Variants in NELL2 observed in about 807,000 individuals in gnomAD.
The protein encoded by NELL2 is protein kinase C-binding protein NELL2.
NELL2 carries 41 observed loss-of-function variants against 109.6 expected under a neutral mutation model. The observed-to-expected ratio is 0.37, with a 90% confidence interval of 0.29 to 0.49. The LOEUF (loss-of-function observed/expected upper bound fraction) is 0.49. Among genes scored for constraint, NELL2 ranks in the 20% least tolerant of loss-of-function variants. The pLI, the probability that NELL2 is intolerant of heterozygous loss-of-function variation, is 0.98. For missense variants in NELL2, 900 were observed against 1,008.3 expected (o/e 0.89, Z 1.45); for synonymous variants, 355 against 344.7 (o/e 1.03, Z -0.33).
intron 12 of NELL2, among the ~76,000 whole-genome samples, chr12:44,676,329 T>C (rs563932897): frequency 2.0e-5 from 3 of 152,138 alleles, no homozygotes; most frequent in African/African-American, 7.2e-5. Context: ...TTTTTTTAAA[T>C]ATAAAATTTC....
chr12:44,753,724 G>A (rs937023506), intron 9 of NELL2, among the ~76,000 whole-genome samples: 2 of 152,068 alleles, frequency 1.3e-5, no homozygotes, highest in Non-Finnish European at 2.9e-5. Context: ...ATTGCTACAG[G>A]GCTGGTACAT....
chr12:44,870,021 G>A (rs1265256246), intron 2 of NELL2, among the ~76,000 whole-genome samples: 2 of 152,056 alleles, frequency 1.3e-5, no homozygotes, highest in African/African-American at 4.8e-5. Context: ...TTGTTTACAA[G>A]TTTTGCTTTC....
chr12:44,587,934 G>C (rs1372065929), intron 15 of NELL2, among the ~76,000 whole-genome samples: 2 of 151,142 alleles, frequency 1.3e-5, no homozygotes, highest in Non-Finnish European at 3.0e-5. Flanking sequence ...GGCGGATCAC[G>C]AGGTCAGGAG....
At chr12:44,651,178 C>T (rs1234382326) in intron 13 of NELL2, among the ~76,000 whole-genome samples, 1 of 152,200 alleles carries the variant, frequency 6.6e-6, no homozygotes, top group Non-Finnish European at 1.5e-5. Flanking sequence ...CTACCCCACC[C>T]CACTTGTCCA....
intron 9 of NELL2, among the ~76,000 whole-genome samples, chr12:44,770,962 A>G (rs1472788489): frequency 6.6e-6 from 1 of 152,190 alleles, no homozygotes; most frequent in East Asian, 1.9e-4. Flanking sequence ...AAATTCAGTG[A>G]CTTTCAGTAA....
At chr12:44,543,471 G>A (rs1449035195) in intron 15 of NELL2, among the ~76,000 whole-genome samples, 4 of 152,136 alleles carry the variant, frequency 2.6e-5, no homozygotes, top group African/African-American at 4.8e-5. Flanking sequence ...ATATATGTCA[G>A]ATTGTGTCAT....
intron 13 of NELL2, among the ~76,000 whole-genome samples, chr12:44,641,689 C>CTTTTTTTTTTTT (rs71093817): frequency 7.4e-5 from 6 of 80,640 alleles, no homozygotes; most frequent in Non-Finnish European, 1.1e-4. Flanking sequence ...CTAGTTTCTC[C>CTTTTTTTTTTTT]TTTTTTTTTT....
chr12:44,599,776 A>C (rs1425376123), intron 15 of NELL2, among the ~76,000 whole-genome samples: 1 of 152,120 alleles, frequency 6.6e-6, no homozygotes, highest in African/African-American at 2.4e-5. Flanking sequence ...ATACGCAGGC[A>C]CAATGCTTTG....
rs570194606 is a variant in NELL2 at position 44,508,730 on chromosome 12, A to C, written c.*204T>G. 5.9e-5 allele frequency: 34 copies of C among 577,170 alleles called. No individual in the cohort carries two copies. The South Asian group carries it at 6.6e-4, about 11-fold the overall frequency. The allele number at this position is 577,170 out of a possible 1,614,324, so 35.8% of individuals were successfully genotyped here. A position where few individuals can be genotyped will look rare whatever the true frequency, so the allele number is the denominator to read the frequency against. ...TGGTGATGTGAGACACAGTAGAGGC[A>C]GACTTGAGGTCTAATTTTGCCCCAG... On this transcript the variant is annotated 3_prime_UTR_variant, in exon 20 of 20. Coordinates refer to ENST00000429094, the MANE Select transcript of NELL2 (RefSeq NM_001145108.2).
rs11182704 is a variant in NELL2, at chr12:44,826,504, T to C, written c.185-10368A>G. Reference sequence around the variant, plus strand: ...AACTTATAAGACAAAATGGTAACAATTTTAAAAGCCATTAAAATTTGATTA... The same window carrying C: ...AACTTATAAGACAAAATGGTAACAACTTTAAAAGCCATTAAAATTTGATTA... On this transcript the variant is annotated intron_variant, in intron 2 of 19. Transcript: ENST00000429094. Among the ~76,000 whole-genome samples the C allele has an allele frequency of 0.014, 2,063 of 152,316 alleles. 109 individuals are homozygous for C. In the East Asian group the frequency reaches 0.19, roughly 14 times the overall value.
At chr12:44,699,794 T>G (rs939620475) in intron 12 of NELL2, among the ~76,000 whole-genome samples, 2 of 152,064 alleles carry the variant, frequency 1.3e-5, no homozygotes, top group African/African-American at 4.8e-5. Context: ...AATTCTCTCT[T>G]CTCTTGGCTT....
chr12:44,780,650 G>T (rs1035124686), intron 3 of NELL2, among the ~76,000 whole-genome samples: 6 of 152,022 alleles, frequency 3.9e-5, no homozygotes, highest in Non-Finnish European at 8.8e-5. Flanking sequence ...CATCTTGGAA[G>T]TAATGAAGCA....
intron 15 of NELL2, among the ~76,000 whole-genome samples, chr12:44,583,931 C>A (rs1055599386): frequency 3.3e-5 from 5 of 152,146 alleles, no homozygotes; most frequent in African/African-American, 1.2e-4. Flanking sequence ...CACCACCACA[C>A]CTGGCTAATT....
intron 9 of NELL2, among the ~76,000 whole-genome samples, chr12:44,771,624 A>C (rs1457680529): frequency 6.6e-6 from 1 of 152,098 alleles, no homozygotes; most frequent in Non-Finnish European, 1.5e-5. Flanking sequence ...TCTCTGTTTA[A>C]CTCCAGCACA....
At chr12:44,737,003 G>T (rs986540704) in intron 9 of NELL2, among the ~76,000 whole-genome samples, 93 of 151,794 alleles carry the variant, frequency 6.1e-4, no homozygotes, top group African/African-American at 2.2e-3. Context: ...TTACTGTCCT[G>T]ATTTATTTTC....
intron 1 of NELL2, among the ~76,000 whole-genome samples, chr12:44,896,726 C>T (rs769194522): frequency 1.9e-4 from 29 of 152,098 alleles, no homozygotes; most frequent in African/African-American, 3.4e-4. Context: ...GAGTGTTTGA[C>T]CTCCTCTGTG....
intron 12 of NELL2, among the ~76,000 whole-genome samples, chr12:44,678,946 A>G (rs1948407642): frequency 6.6e-6 from 1 of 152,062 alleles, no homozygotes; most frequent in East Asian, 1.9e-4. Context: ...TCATTACATT[A>G]AGAGATTCAG....
At chr12:44,694,658 T>A (rs903733253) in intron 12 of NELL2, among the ~76,000 whole-genome samples, 4 of 151,592 alleles carry the variant, frequency 2.6e-5, no homozygotes, top group East Asian at 3.9e-4. Context: ...AGAGAGTGCA[T>A]CATTAATGAC....
chr12:44,921,033 T>G (rs1011246994), intron 1 of NELL2, among the ~76,000 whole-genome samples: 3 of 152,140 alleles, frequency 2.0e-5, no homozygotes, highest in Non-Finnish European at 4.4e-5. Flanking sequence ...GAGATCCTAA[T>G]CTACGTACAC....
Sources: allele counts gnomAD v4.1 joint callset (sites outside exome capture counted in the v4.1 genomes callset), GRCh38; gene constraint gnomAD v4.1.1; transcripts MANE v1.5; gene names NCBI Gene and HGNC (gene_info 2026-07-23, HGNC 2026-07-21).